Variants in MYO16 observed in about 807,000 individuals in gnomAD.
MYO16 encodes the protein myosin XVI.
A neutral mutation model predicts 205.3 loss-of-function variants in MYO16; 94 were observed. That is an observed-to-expected ratio of 0.46 (90% confidence interval 0.39 to 0.54). The LOEUF (loss-of-function observed/expected upper bound fraction) is 0.54, where lower values mean the gene tolerates loss of function less well. Ranked by LOEUF, MYO16 falls within the 20% of genes least tolerant of loss-of-function variation. The probability of loss-of-function intolerance (pLI) is 0.00; values close to 1 mark genes in which losing one functional copy is unlikely to be tolerated. For synonymous variants in MYO16, 988 were observed against 954.0 expected (o/e 1.04, Z -0.66); for missense variants, 2,315 against 2,387.5 (o/e 0.97, Z 0.63).
chr13:108,988,153 T>A (rs893620454), intron 20 of MYO16, among the ~76,000 whole-genome samples: 1 of 152,166 alleles, frequency 6.6e-6, no homozygotes, highest in African/African-American at 2.4e-5. Context: ...CTGCTCCCAG[T>A]TGTCAGAAAT....
the MYO16 span, among the ~76,000 whole-genome samples, chr13:108,516,834 A>G: frequency 1.3e-5 from 2 of 152,040 alleles, no homozygotes; most frequent in African/African-American, 2.4e-5. Flanking sequence ...TGCTGGGTAC[A>G]TTTATTCTTG....
rs756592080 is a variant in MYO16 at position 109,140,244 on chromosome 13, C to T, written c.4052-20C>T. On this transcript the variant is annotated intron_variant, in intron 31 of 34. Transcript: ENST00000457511. This position sits in a 1 kb window ranked among gnomAD's most constrained non-coding sequence, Gnocchi z 8.0. ...TGGGCCTGGCCTGGCACCCACTGAC[C>T]GCGTCCTTTCCTGCCGCAGCTCTGG... The T allele has an allele frequency of 1.3e-5, 20 of 1,596,876 alleles. No individual in the cohort carries two copies. The highest frequency in any genetic ancestry group is 1.3e-5 in the Non-Finnish European group (15 of 1,178,294).
rs749547949 is a variant in MYO16, at chr13:108,972,205, G to GTCTCTCTCTCTC, written c.2369+7337_2369+7348dup. 9.0e-4 allele frequency among the ~76,000 whole-genome samples: 10 copies of GTCTCTCTCTCTC among 11,138 alleles called. 1 individual carries two copies. The highest frequency in any genetic ancestry group is 4.2e-3 in the East Asian group (1 of 238). 7.3% of individuals were successfully genotyped at this position (11,138 alleles called of 152,430 possible). The stretch of plus-strand genomic sequence containing the variant: ...AGCCTGGATGACAGACTGAGACCCT[G>GTCTCTCTCTCTC]TCTCTCTCTCTCTCTCTCTCTCTCT... On this transcript the variant is annotated intron_variant, in intron 20 of 34. Transcript: ENST00000457511.
Position 108,844,500 on chromosome 13 carries a change from A to G in MYO16, c.1248+7A>G, listed in dbSNP as rs78265045. ...TTCCACCAAACCCGAGCAGGTAATC[A>G]TGCTTTCACTGTGTGTCTACCAGTA... On this transcript the variant is annotated splice_region_variant and intron_variant, in intron 10 of 34. Transcript: ENST00000457511. The G allele has an allele frequency of 5.7e-3, 9,186 of 1,599,370 alleles. 472 individuals are homozygous for G. In the African/African-American group the frequency reaches 0.11, roughly 19 times the overall value.
At chr13:109,179,005 C>T (rs1283003000) in intron 33 of MYO16, among the ~76,000 whole-genome samples, 5 of 152,314 alleles carry the variant, frequency 3.3e-5, no homozygotes, top group Admixed American at 3.3e-4. Context: ...ATCGGCAGCT[C>T]TCCCCACCTT....
chr13:108,578,105 T>G, the MYO16 span, among the ~76,000 whole-genome samples: 1 of 152,332 alleles, frequency 6.6e-6, no homozygotes, highest in East Asian at 1.9e-4. Context: ...TTACCTGGCT[T>G]GAGAAGCAGT....
intron 31 of MYO16, among the ~76,000 whole-genome samples, chr13:109,134,351 G>A (rs1164996394): frequency 6.6e-6 from 1 of 152,110 alleles, no homozygotes; most frequent in Non-Finnish European, 1.5e-5. Flanking sequence ...AAACTTTGAG[G>A]GAATACTGTA....
intron 33 of MYO16, among the ~76,000 whole-genome samples, chr13:109,178,916 C>T (rs934966628): frequency 3.3e-5 from 5 of 152,140 alleles, no homozygotes; most frequent in East Asian, 1.9e-4. Flanking sequence ...ATAGTAACTT[C>T]GCGTTGTTGA....
intron 23 of MYO16, among the ~76,000 whole-genome samples, chr13:109,022,768 TTATA>T (rs1886124656): frequency 7.3e-6 from 1 of 136,576 alleles, no homozygotes; most frequent in South Asian, 2.3e-4. Flanking sequence ...ATGTATATAT[TTATA>T]TATTATATAT....
intron 29 of MYO16, among the ~76,000 whole-genome samples, chr13:109,121,729 C>T (rs1038591386): frequency 6.6e-6 from 1 of 152,182 alleles, no homozygotes; most frequent in African/African-American, 2.4e-5. Context: ...TGCACAGTGG[C>T]CCCAAACCCC....
intron 33 of MYO16, among the ~76,000 whole-genome samples, chr13:109,173,442 T>C (rs536691860): frequency 2.0e-5 from 3 of 152,284 alleles, no homozygotes; most frequent in East Asian, 1.9e-4. Context: ...GATTTTCAAA[T>C]TGAGTTTAAT....
At chr13:109,090,806 A>G (rs1888596746) in intron 27 of MYO16, among the ~76,000 whole-genome samples, 1 of 152,158 alleles carries the variant, frequency 6.6e-6, no homozygotes, top group South Asian at 2.1e-4. Context: ...AAAAATAACT[A>G]GTACTCCCTC....
chr13:108,956,509 A>G (rs1193095045), intron 16 of MYO16, among the ~76,000 whole-genome samples: 1 of 119,570 alleles, frequency 8.4e-6, no homozygotes, highest in East Asian at 2.3e-4. Context: ...CACTTCCAAG[A>G]CATGACAAAC....
At chr13:108,700,386 A>G (rs149732704) in intron 2 of MYO16, among the ~76,000 whole-genome samples, 1 of 151,084 alleles carries the variant, frequency 6.6e-6, no homozygotes, top group Non-Finnish European at 1.5e-5. Context: ...TTATTCAGGA[A>G]CAAATGGTTG....
chr13:109,100,637 T>C (rs1888931729), intron 27 of MYO16, 148 bp from the exon 28 acceptor site: 2 of 559,730 alleles, frequency 3.6e-6, no homozygotes, highest in South Asian at 5.1e-5. Context: ...CCCTAGTAAA[T>C]GCACAATGGA....
At chr13:108,503,263 A>AC in the MYO16 span, among the ~76,000 whole-genome samples, 1 of 151,460 alleles carries the variant, frequency 6.6e-6, no homozygotes, top group Admixed American at 6.6e-5. Context: ...TATGTGGAAA[A>AC]CCCCCCTAGG....
chr13:108,800,197 T>A (rs1886928252), intron 6 of MYO16, among the ~76,000 whole-genome samples: 1 of 152,298 alleles, frequency 6.6e-6, no homozygotes, highest in East Asian at 1.9e-4. Flanking sequence ...CACAGCTTCA[T>A]GGGTAAAAGC....
At chr13:108,522,519 A>C in the MYO16 span, among the ~76,000 whole-genome samples, 2 of 152,102 alleles carry the variant, frequency 1.3e-5, no homozygotes, top group African/African-American at 4.8e-5. Context: ...TAACAACATA[A>C]ATTTACTGTC....
chr13:108,558,597 C>G, the MYO16 span, among the ~76,000 whole-genome samples: 2 of 152,202 alleles, frequency 1.3e-5, no homozygotes, highest in African/African-American at 2.4e-5. Flanking sequence ...GCAGCAGAAG[C>G]CTCCTCCACT....
Sources: allele counts gnomAD v4.1 joint callset (sites outside exome capture counted in the v4.1 genomes callset), GRCh38; gene constraint gnomAD v4.1.1; non-coding constraint Gnocchi (gnomAD v3.1); transcripts MANE v1.5; gene names NCBI Gene and HGNC (gene_info 2026-07-23, HGNC 2026-07-21).